ADGRF1: variants seen among roughly 807,000 people sequenced by gnomAD.
The protein encoded by ADGRF1 is G protein-coupled receptor 110.
In ADGRF1, 85 loss-of-function variants were observed where a neutral mutation model predicts 87.2. The observed-to-expected ratio is 0.97, with a 90% CI of 0.82 to 1.17. ADGRF1 has a LOEUF of 1.17. ADGRF1 is among the 50% of genes most tolerant of loss of function. The probability of loss-of-function intolerance (pLI) is 0.00; values close to 1 mark genes in which losing one functional copy is unlikely to be tolerated. For synonymous variants in ADGRF1, 430 were observed against 408.8 expected (o/e 1.05, Z -0.63); for missense variants, 1,169 against 1,077.2 (o/e 1.09, Z -1.19).
In ADGRF1 at chr6:47,008,973, A is replaced by G. The variant is rs758248544; in HGVS notation, c.2462T>C (p.Val821Ala). The G allele has an allele frequency of 8.1e-6, 13 of 1,604,896 alleles. No homozygotes were observed. Among genetic ancestry groups the G allele is most frequent in the Non-Finnish European group, 1.1e-5 (13 of 1,173,736 alleles). Residue 821 changes from valine (V) to alanine (A), a missense_variant, in exon 11 of 15, where the codon GTT (valine) becomes GCT (alanine). Val to Ala is a moderately conservative substitution (Grantham distance 64, BLOSUM62 0). Transcript: ENST00000371253. ...IVDSQNLAWH[V>A]IFALLNAFQG... ...GAATGCATTGAGTAAAGCAAAAATA[A>G]CATGCCAAGCCAGATTCTGGCTGTC...
intron 6 of ADGRF1, among the ~76,000 whole-genome samples, 155 bp downstream of exon 6, chr6:47,021,803 G>A (rs761368506): frequency 6.6e-6 from 1 of 152,148 alleles, no homozygotes; most frequent in Non-Finnish European, 1.5e-5. Context: ...GATACTCAGG[G>A]AATTTCAACT....
At chr6:47,032,968 C>G (rs949705216) in intron 1 of ADGRF1, among the ~76,000 whole-genome samples, 1 of 152,138 alleles carries the variant, frequency 6.6e-6, no homozygotes, top group African/African-American at 2.4e-5. Flanking sequence ...GCAGGGTCAT[C>G]ATAAATCCCT....
chr6:47,011,082 C>A (rs1033550859), intron 10 of ADGRF1, among the ~76,000 whole-genome samples: 15 of 152,160 alleles, frequency 9.9e-5, no homozygotes, highest in African/African-American at 3.6e-4. Flanking sequence ...CTTCTACTGC[C>A]CCTAGAAACC....
chr6:47,016,141 T>A (rs112187531), intron 8 of ADGRF1, among the ~76,000 whole-genome samples: 42 of 152,024 alleles, frequency 2.8e-4, no homozygotes, highest in Middle Eastern at 3.4e-3. Context: ...TGAAAGAGAG[T>A]GGTACAAATT....
Position 47,009,093 on chromosome 6 carries a change from T to C in ADGRF1, c.2342A>G (p.Asp781Gly). The change falls in exon 11 of 15, where the codon GAT becomes GGT. Residue 781 changes from aspartate (D) to glycine (G), a missense_variant. Transcript: ENST00000371253. Reference protein sequence around the residue: ...RPTVGERLSRDDKATIIRVGK... With the variant: ...RPTVGERLSRGDKATIIRVGK... ...CACGCGGATGATGGTGGCCTTGTCA[T>C]CCCGACTCAGTCTTTCCCCAACAGT... The C allele has an allele frequency of 6.2e-7, 1 of 1,614,010 alleles. No homozygotes were observed. The highest frequency in any genetic ancestry group is 8.5e-7 in the Non-Finnish European group (1 of 1,180,004).
At chr6:47,016,235 T>C (rs936008763) in intron 8 of ADGRF1, among the ~76,000 whole-genome samples, 1 of 152,196 alleles carries the variant, frequency 6.6e-6, no homozygotes, top group South Asian at 2.1e-4. Context: ...TGTGCGTGTC[T>C]GTCTGTCTGT....
chr6:47,016,505 T>C, intron 8 of ADGRF1, 112 bp downstream of exon 8: 1 of 1,221,334 alleles, frequency 8.2e-7, no homozygotes, highest in Non-Finnish European at 1.1e-6. Context: ...TGAAAGGCAG[T>C]TAGAGAACAA....
chr6:47,027,473 G>A (rs1040473143), intron 3 of ADGRF1, among the ~76,000 whole-genome samples: 15 of 152,206 alleles, frequency 9.9e-5, no homozygotes, highest in African/African-American at 2.9e-4. Flanking sequence ...AGAAAAGGGC[G>A]TGTGTGAACA....
At chr6:47,028,410 C>A (rs1056422399) in intron 2 of ADGRF1, among the ~76,000 whole-genome samples, 20 of 152,148 alleles carry the variant, frequency 1.3e-4, no homozygotes, top group African/African-American at 4.8e-4. Flanking sequence ...GCCTAAGTAG[C>A]TGGAAAGATA....
Position 47,009,291 on chromosome 6 carries a change from A to C in ADGRF1, c.2144T>G (p.Val715Gly). The stretch of plus-strand genomic sequence containing the variant: ...AGGTTGCGTGACAGCAATGGTAATG[A>C]CAGATATAATGAGAGGGCACCCATA... ...LGYGCPLIIS[V>G]ITIAVTQPSN... Residue 715 changes from valine to glycine, a missense_variant, in exon 11 of 15, where the codon GTC (valine) becomes GGC (glycine). By Grantham distance (109) the Val-to-Gly change is moderately radical. Coordinates refer to ENST00000371253, the MANE Select transcript of ADGRF1 (RefSeq NM_153840.4). 6.2e-7 allele frequency: 1 copy of C among 1,614,178 alleles called. No individual in the cohort carries two copies. Among genetic ancestry groups the C allele is most frequent in the Non-Finnish European group, 8.5e-7 (1 of 1,180,016 alleles).
chr6:47,008,262 C>T lies in ADGRF1; in HGVS notation c.2490+683G>A, dbSNP rs754027745. On this transcript the variant is annotated intron_variant, in intron 11 of 14. Coordinates refer to ENST00000371253, the MANE Select transcript of ADGRF1 (RefSeq NM_153840.4). ...TCACTGAACTGGGACTGAAGGCTCT[C>T]GTCCAGATTCATCAAAACCTAATGA... Among the ~76,000 whole-genome samples the T allele has an allele frequency of 3.3e-5, 5 of 152,292 alleles. No individual in the cohort carries two copies. In the East Asian group the frequency reaches 7.7e-4, roughly 24 times the overall value.
At chr6:47,008,896 C>T in intron 11 of ADGRF1, 49 bp downstream of exon 11, 1 of 1,510,542 alleles carries the variant, frequency 6.6e-7, no homozygotes, top group Non-Finnish European at 8.9e-7. Context: ...GAGTTCTCTA[C>T]TTATTCCAAT....
At chr6:47,004,221 T>A (rs1378802397) in intron 13 of ADGRF1, among the ~76,000 whole-genome samples, 2 of 152,216 alleles carry the variant, frequency 1.3e-5, no homozygotes, top group Non-Finnish European at 2.9e-5. Context: ...TCAAGTGTGA[T>A]CTCTTTCTCA....
intron 7 of ADGRF1, chr6:47,018,613 G>C: frequency 7.8e-7 from 1 of 1,288,408 alleles, no homozygotes; most frequent in Non-Finnish European, 1.0e-6. Context: ...TAGAGTGAGA[G>C]ATTAAGATTT....
chr6:47,007,531 G>A (rs556296704), intron 11 of ADGRF1, among the ~76,000 whole-genome samples: 23 of 152,304 alleles, frequency 1.5e-4, no homozygotes, highest in African/African-American at 3.6e-4. Context: ...ATGACCAAGC[G>A]AATGAAGTTT....
At chr6:47,002,726 T>C (rs897181342) in intron 13 of ADGRF1, among the ~76,000 whole-genome samples, 6 of 152,074 alleles carry the variant, frequency 3.9e-5, no homozygotes, top group Admixed American at 3.3e-4. Flanking sequence ...GGGGGGTCCA[T>C]TGAGGCCACC....
At chr6:47,003,607 C>G (rs1315674774) in intron 13 of ADGRF1, among the ~76,000 whole-genome samples, 1 of 152,214 alleles carries the variant, frequency 6.6e-6, no homozygotes, top group Non-Finnish European at 1.5e-5. Flanking sequence ...CAGATAATAA[C>G]TTAACTCTTT....
At chr6:47,040,372 T>C (rs897149634) in intron 1 of ADGRF1, among the ~76,000 whole-genome samples, 3 of 152,096 alleles carry the variant, frequency 2.0e-5, no homozygotes, top group African/African-American at 7.2e-5. Flanking sequence ...CTCGGGAGGC[T>C]GAGGCAGGAG....
intron 10 of ADGRF1, among the ~76,000 whole-genome samples, chr6:47,011,671 C>T (rs537964992): frequency 6.2e-4 from 95 of 152,284 alleles, no homozygotes; most frequent in Non-Finnish European, 1.1e-3. Flanking sequence ...AAAATATACA[C>T]TGTTCAAGTC....
Sources: gnomAD v4.1 joint callset for allele counts (sites outside exome capture counted in the v4.1 genomes callset) on GRCh38, gnomAD v4.1.1 for gene constraint, MANE v1.5 for transcripts, NCBI Gene and HGNC (gene_info 2026-07-23, HGNC 2026-07-21) for gene names.